Variants in SLC35F3 observed in about 807,000 individuals in gnomAD.
SLC35F3 encodes the protein putative thiamine transporter SLC35F3.
In SLC35F3, 25 loss-of-function variants were observed where a neutral mutation model predicts 49.9. The ratio of observed to expected loss-of-function variants is 0.50; its 90% CI spans 0.37 to 0.70. The LOEUF is 0.70. Among genes scored for constraint, SLC35F3 ranks in the 30% least tolerant of loss-of-function variants. SLC35F3 has a pLI of 0.00. For missense variants in SLC35F3, 525 were observed against 639.8 expected (o/e 0.82, Z 1.94); for synonymous variants, 275 against 265.4 (o/e 1.04, Z -0.35).
intron 2 of SLC35F3, among the ~76,000 whole-genome samples, chr1:234,091,209 T>G (rs955997910): frequency 2.0e-5 from 3 of 152,220 alleles, no homozygotes; most frequent in Non-Finnish European, 1.5e-5. Flanking sequence ...ATAACTATGA[T>G]GATAGCTTGA....
At chr1:234,039,790 G>A (rs1258090554) in intron 2 of SLC35F3, among the ~76,000 whole-genome samples, 1 of 152,224 alleles carries the variant, frequency 6.6e-6, no homozygotes, top group Non-Finnish European at 1.5e-5. Context: ...GCAGCTGGCA[G>A]GAGCAAACTC....
At chr1:234,195,244 A>G (rs1666789518) in intron 2 of SLC35F3, among the ~76,000 whole-genome samples, 1 of 152,226 alleles carries the variant, frequency 6.6e-6, no homozygotes, top group African/African-American at 2.4e-5. Flanking sequence ...TGTCAAAAAA[A>G]TCAGACCATC....
chr1:234,093,390 T>C (rs1665071343), intron 2 of SLC35F3, among the ~76,000 whole-genome samples: 1 of 152,230 alleles, frequency 6.6e-6, no homozygotes, highest in East Asian at 1.9e-4. Flanking sequence ...AATGATAGCC[T>C]CACAGTAACC....
intron 3 of SLC35F3, among the ~76,000 whole-genome samples, chr1:234,278,560 T>G (rs1157447877): frequency 1.3e-5 from 2 of 152,128 alleles, no homozygotes; most frequent in African/African-American, 4.8e-5. Context: ...TTCTTTCTCC[T>G]AAGATAACTT....
intron 2 of SLC35F3, among the ~76,000 whole-genome samples, chr1:234,167,417 G>A (rs1401036261): frequency 2.0e-5 from 3 of 152,168 alleles, no homozygotes; most frequent in African/African-American, 7.2e-5. Flanking sequence ...CAGTGGGGAT[G>A]TGCATGACTC....
chr1:234,171,460 G>T (rs893312575), intron 2 of SLC35F3, among the ~76,000 whole-genome samples: 1 of 152,180 alleles, frequency 6.6e-6, no homozygotes, highest in Non-Finnish European at 1.5e-5. Context: ...TACACAGAGG[G>T]GGGTGTCTGT....
chr1:234,000,802 G>C (rs893237241), intron 2 of SLC35F3, among the ~76,000 whole-genome samples: 1 of 152,232 alleles, frequency 6.6e-6, no homozygotes, highest in Non-Finnish European at 1.5e-5. Flanking sequence ...GGACAGGCCA[G>C]AGCGGGTGTG....
chr1:234,251,857 T>TAAGTGAAGGA (rs1553319206), intron 3 of SLC35F3, among the ~76,000 whole-genome samples: 2 of 152,174 alleles, frequency 1.3e-5, no homozygotes, highest in East Asian at 3.9e-4. Context: ...ATACATTACT[T>TAAGTGAAGGA]AGTAAGTAAT....
chr1:234,072,124 G>A (rs2102868288), intron 2 of SLC35F3, among the ~76,000 whole-genome samples: 1 of 152,370 alleles, frequency 6.6e-6, no homozygotes, highest in East Asian at 1.9e-4. Flanking sequence ...TGCTTTATGT[G>A]CTGTTGCTAA....
At chr1:233,939,790 A>T (rs1571988105) in intron 2 of SLC35F3, among the ~76,000 whole-genome samples, 1 of 152,314 alleles carries the variant, frequency 6.6e-6, no homozygotes, top group East Asian at 1.9e-4. Flanking sequence ...GGTTCACTTA[A>T]GCTTTCCTGG....
intron 2 of SLC35F3, among the ~76,000 whole-genome samples, chr1:233,982,729 A>C (rs969952730): frequency 6.6e-6 from 1 of 152,158 alleles, no homozygotes; most frequent in Non-Finnish European, 1.5e-5. Context: ...GACTATATGC[A>C]AGGCACCGAC....
At chr1:234,089,167 C>G (rs2102876413) in intron 2 of SLC35F3, among the ~76,000 whole-genome samples, 1 of 151,902 alleles carries the variant, frequency 6.6e-6, no homozygotes, top group Middle Eastern at 3.4e-3. Context: ...AGGGCACACA[C>G]TTTTCCACCG....
intron 3 of SLC35F3, among the ~76,000 whole-genome samples, chr1:234,244,685 T>C (rs530226808): frequency 6.6e-6 from 1 of 152,146 alleles, no homozygotes; most frequent in East Asian, 1.9e-4. Flanking sequence ...AGTTCCATTA[T>C]GCCATCTGAT....
chr1:234,273,407 G>A (rs114437476), intron 3 of SLC35F3, among the ~76,000 whole-genome samples: 6,414 of 152,166 alleles, frequency 0.042, 182 homozygotes, highest in Middle Eastern at 0.082. Flanking sequence ...CCCCTCCCAC[G>A]AGCCTCCCTA....
chr1:234,206,498 C>CGGGG (rs369785955), intron 2 of SLC35F3, among the ~76,000 whole-genome samples: 1 of 79,722 alleles, frequency 1.3e-5, no homozygotes, highest in Non-Finnish European at 2.5e-5. Context: ...CGCTATTTCC[C>CGGGG]GGGGGGGGGC....
rs911213037 is a variant in SLC35F3 at position 234,263,791 on chromosome 1, T to G, written c.608+32050T>G. On this transcript the variant is annotated intron_variant, in intron 3 of 7. Coordinates refer to ENST00000366618, the MANE Select transcript of SLC35F3 (RefSeq NM_173508.4). ...ACTTGTGCTCAAGGCTGGCTGACAT[T>G]AGAATCACCAGGGGAGCTTTTAAGA... Among the ~76,000 whole-genome samples, 7 of 152,278 alleles carry G rather than the reference T, an allele frequency of 4.6e-5. No individual in the cohort carries two copies. The East Asian group carries it at 1.3e-3, about 29-fold the overall frequency.
chr1:233,998,846 C>T (rs1424043676), intron 2 of SLC35F3, among the ~76,000 whole-genome samples: 5 of 152,074 alleles, frequency 3.3e-5, no homozygotes, highest in Admixed American at 3.3e-4. Context: ...TGTGTTCTTA[C>T]GTGATCATTT....
intron 3 of SLC35F3, among the ~76,000 whole-genome samples, chr1:234,291,448 G>T (rs1224571103): frequency 6.6e-6 from 1 of 152,128 alleles, no homozygotes; most frequent in Non-Finnish European, 1.5e-5. Flanking sequence ...ATGGAGCAGG[G>T]TAGCACAGAG....
chr1:234,270,427 C>T (rs567975294), intron 3 of SLC35F3, among the ~76,000 whole-genome samples: 1 of 152,146 alleles, frequency 6.6e-6, no homozygotes, highest in East Asian at 1.9e-4. Flanking sequence ...ACAGATAAAT[C>T]TATTGTTGTT....
Sources: allele counts gnomAD v4.1 joint callset (sites outside exome capture counted in the v4.1 genomes callset), GRCh38; gene constraint gnomAD v4.1.1; transcripts MANE v1.5; gene names NCBI Gene and HGNC (gene_info 2026-07-23, HGNC 2026-07-21).